Variants in EIF3H observed in about 807,000 individuals in gnomAD.
EIF3H encodes eukaryotic translation initiation factor 3 subunit H.
A neutral mutation model predicts 44.2 loss-of-function variants in EIF3H; 26 were observed. The ratio of observed to expected loss-of-function variants is 0.59; its 90% CI spans 0.43 to 0.82. The LOEUF (loss-of-function observed/expected upper bound fraction) is 0.82, where lower values mean the gene tolerates loss of function less well. EIF3H is among the 40% of genes least tolerant of loss of function. EIF3H has a pLI of 0.00. For missense variants in EIF3H, 359 were observed against 432.8 expected (o/e 0.83, Z 1.51); for synonymous variants, 166 against 151.9 (o/e 1.09, Z -0.68).
chr8:116,755,400 C>G (rs1280979147), intron 1 of EIF3H, among the ~76,000 whole-genome samples: 1 of 152,108 alleles, frequency 6.6e-6, no homozygotes, highest in East Asian at 1.9e-4. Context: ...CCCCACCGGT[C>G]ATCTCAAAAC....
At chr8:116,754,112 T>TC (rs1418790406) in intron 1 of EIF3H, among the ~76,000 whole-genome samples, 1 of 150,894 alleles carries the variant, frequency 6.6e-6, no homozygotes, top group Non-Finnish European at 1.5e-5. Context: ...CAGATAGTAC[T>TC]CCATTTTCTT....
chr8:116,726,715 T>C (rs1048126538), intron 1 of EIF3H, among the ~76,000 whole-genome samples: 12 of 152,168 alleles, frequency 7.9e-5, no homozygotes, highest in Non-Finnish European at 1.0e-4. Flanking sequence ...CTGGTTGGTA[T>C]AGTCTCCAGC....
In EIF3H at chr8:116,642,580, C is replaced by T. The variant is rs536033077; in HGVS notation, c.*2426G>A. The stretch of plus-strand genomic sequence containing the variant: ...TCTACTTTCTTGGTTTTTTAACATT[C>T]GATTTTTTCATTAGATTAACATGCT... On this transcript the variant is annotated 3_prime_UTR_variant, in exon 8 of 8. Transcript: ENST00000521861. The T allele has an allele frequency of 2.0e-5, 3 of 152,186 alleles. No individual in the cohort carries two copies. Among genetic ancestry groups the T allele is most frequent in the South Asian group, 4.1e-4 (2 of 4,828 alleles). The allele number at this position is 152,186 out of a possible 1,614,324, so 9.4% of individuals were successfully genotyped here.
intron 6 of EIF3H, 26 bp from the exon 7 acceptor site, chr8:116,646,629 G>A (rs1373410516): frequency 6.2e-7 from 1 of 1,610,924 alleles, no homozygotes; most frequent in Non-Finnish European, 8.5e-7. Context: ...AAAATGGTTT[G>A]GTTATTTTTC....
chr8:116,649,223 A>G (rs1813351932), intron 5 of EIF3H, among the ~76,000 whole-genome samples: 2 of 152,206 alleles, frequency 1.3e-5, no homozygotes, highest in South Asian at 4.1e-4. Context: ...TCTATAATAC[A>G]TATTTTTTAT....
At chr8:116,755,613 G>C in intron 1 of EIF3H, 53 bp downstream of exon 1, 5 of 1,609,514 alleles carry the variant, frequency 3.1e-6, no homozygotes, top group Non-Finnish European at 4.2e-6. Context: ...TGGTGGGACG[G>C]GGCTGGGAAC....
At chr8:116,744,378 A>G (rs763378591) in intron 1 of EIF3H, among the ~76,000 whole-genome samples, 22 of 152,172 alleles carry the variant, frequency 1.4e-4, no homozygotes, top group Non-Finnish European at 2.9e-4. Flanking sequence ...AAAAATATAT[A>G]TATTTTGACT....
At chr8:116,758,487 C>T (rs1815483212), upstream of EIF3H, among the ~76,000 whole-genome samples, 1 of 152,114 alleles carries the variant, frequency 6.6e-6, no homozygotes, top group Non-Finnish European at 1.5e-5. Flanking sequence ...AGGAACTCAA[C>T]AATACCATCA....
At chr8:116,651,826 C>T (rs568654198) in intron 5 of EIF3H, among the ~76,000 whole-genome samples, 149 of 152,276 alleles carry the variant, frequency 9.8e-4, no homozygotes, top group Non-Finnish European at 1.6e-3. Context: ...AGTGCAATGA[C>T]TTAAAAACAT....
intron 2 of EIF3H, among the ~76,000 whole-genome samples, chr8:116,664,550 T>G (rs1241006327): frequency 6.6e-6 from 1 of 152,238 alleles, no homozygotes; most frequent in Non-Finnish European, 1.5e-5. Context: ...TTTTTGATTG[T>G]GTTAAGTGAG....
At chr8:116,752,764 G>GAAAGAAA (rs1563663137) in intron 1 of EIF3H, among the ~76,000 whole-genome samples, 4 of 32,810 alleles carry the variant, frequency 1.2e-4, no homozygotes, top group South Asian at 9.5e-4. Flanking sequence ...AGGGAGGGAG[G>GAAAGAAA]GAGGGAGGGA....
At position 116,684,994 on chromosome 8, in the gene EIF3H, A is replaced by G. The variant is rs557598660; in HGVS notation, c.290-26014T>C. Among the ~76,000 whole-genome samples, 9 of 152,312 alleles carry G rather than the reference A, an allele frequency of 5.9e-5. No individual in the cohort carries two copies. The South Asian group carries it at 1.7e-3, about 28-fold the overall frequency. ...TCGTAAGGGATACTTCTTAAAAGGT[A>G]TTTTTCCCCAATGTTTTCATACAGA... On this transcript the variant is annotated intron_variant, in intron 2 of 7. Coordinates refer to ENST00000521861, the MANE Select transcript of EIF3H (RefSeq NM_003756.3).
At chr8:116,758,578 G>C (rs1031923672), upstream of EIF3H, among the ~76,000 whole-genome samples, 12 of 152,088 alleles carry the variant, frequency 7.9e-5, no homozygotes, top group Non-Finnish European at 1.5e-4. Context: ...GGAATATACA[G>C]GTCATATCCT....
intron 1 of EIF3H, among the ~76,000 whole-genome samples, chr8:116,750,403 CTT>C (rs771136977): frequency 2.5e-4 from 32 of 129,690 alleles, no homozygotes; most frequent in African/African-American, 8.1e-4. Context: ...TTTAGCATGA[CTT>C]TTTTTTTTTT....
chr8:116,752,747 A>AAGAAG (rs1815373841), intron 1 of EIF3H, among the ~76,000 whole-genome samples: 3 of 114,074 alleles, frequency 2.6e-5, no homozygotes, highest in South Asian at 3.8e-4. Context: ...GAAAGAAAGA[A>AAGAAG]AGAAAGAGGG....
intron 2 of EIF3H, among the ~76,000 whole-genome samples, chr8:116,708,070 T>C (rs1234019352): frequency 6.6e-6 from 1 of 152,156 alleles, no homozygotes; most frequent in Non-Finnish European, 1.5e-5. Flanking sequence ...AATCTTTTCC[T>C]TTTTAAAATA....
At chr8:116,752,723 AGAAAGAAAGAAG>A (rs1815368515) in intron 1 of EIF3H, among the ~76,000 whole-genome samples, 1 of 106,374 alleles carries the variant, frequency 9.4e-6, no homozygotes, top group South Asian at 3.4e-4. Context: ...AAAGAAAGAA[AGAAAGAAAGAAG>A]AGAAAGAAAG....
chr8:116,742,627 T>C (rs767682178), intron 1 of EIF3H, among the ~76,000 whole-genome samples: 1 of 152,188 alleles, frequency 6.6e-6, no homozygotes, highest in Non-Finnish European at 1.5e-5. Context: ...CATTCAAGTT[T>C]ATTAGATTCA....
At chr8:116,688,732 T>TATTA (rs5894347) in intron 2 of EIF3H, among the ~76,000 whole-genome samples, 134,918 of 151,866 alleles carry the variant, frequency 0.89, 60,227 homozygotes, top group African/African-American at 0.96. Context: ...GCTTCATAAT[T>TATTA]ATTAAGTTGT....
Sources: gnomAD v4.1 joint callset for allele counts (sites outside exome capture counted in the v4.1 genomes callset) on GRCh38, gnomAD v4.1.1 for gene constraint, MANE v1.5 for transcripts, NCBI Gene and HGNC (gene_info 2026-07-23, HGNC 2026-07-21) for gene names.